MIR2052HG: variants seen among roughly 807,000 people sequenced by gnomAD.
MIR2052HG encodes MIR2052 host gene.
chr8:74,629,456 G>A (rs7001289), intron 2 of MIR2052HG, among the ~76,000 whole-genome samples: 3,679 of 152,140 alleles, frequency 0.024, 135 homozygotes, highest in African/African-American at 0.079. Flanking sequence ...GGGAGTGTTG[G>A]AAGTGGTCTA....
intron 4 of MIR2052HG, among the ~76,000 whole-genome samples, chr8:74,733,426 G>A (rs1285267764): frequency 5.3e-5 from 8 of 151,808 alleles, no homozygotes; most frequent in Non-Finnish European, 1.0e-4. Context: ...ATTTTTTATG[G>A]CTGCATAGTA....
At chr8:74,600,723 G>A (rs1186135218) in intron 1 of MIR2052HG, among the ~76,000 whole-genome samples, 3 of 151,842 alleles carry the variant, frequency 2.0e-5, no homozygotes, top group Admixed American at 1.3e-4. Context: ...TTACAAGTGC[G>A]TGCCACCATG....
intron 4 of MIR2052HG, among the ~76,000 whole-genome samples, chr8:74,707,146 C>T (rs1809419164): frequency 6.6e-6 from 1 of 152,026 alleles, no homozygotes; most frequent in Admixed American, 6.6e-5. Context: ...AATTCCCTCC[C>T]ATGTAGATAT....
At chr8:74,676,887 G>C (rs1037834724) in intron 2 of MIR2052HG, among the ~76,000 whole-genome samples, 1 of 151,804 alleles carries the variant, frequency 6.6e-6, no homozygotes, top group African/African-American at 2.4e-5. Context: ...ACAATGTACA[G>C]GTATATCAAA....
At chr8:74,632,827 C>T (rs1454478112) in intron 2 of MIR2052HG, among the ~76,000 whole-genome samples, 1 of 151,994 alleles carries the variant, frequency 6.6e-6, no homozygotes, top group Non-Finnish European at 1.5e-5. Context: ...ATAATCAGCT[C>T]GTGTTGATCG....
chr8:74,622,879 T>C (rs1319889354), intron 2 of MIR2052HG, among the ~76,000 whole-genome samples: 1 of 151,570 alleles, frequency 6.6e-6, no homozygotes, highest in Admixed American at 6.6e-5. Flanking sequence ...ACAATATGGA[T>C]GAACCTGGAG....
At chr8:74,665,487 C>T (rs1038444736) in intron 2 of MIR2052HG, among the ~76,000 whole-genome samples, 2 of 152,136 alleles carry the variant, frequency 1.3e-5, no homozygotes, top group African/African-American at 2.4e-5. Context: ...ATGACCTCCC[C>T]AAAATGCTGC....
intron 2 of MIR2052HG, among the ~76,000 whole-genome samples, chr8:74,676,143 A>T (rs1342515294): frequency 6.6e-6 from 1 of 152,088 alleles, no homozygotes; most frequent in Non-Finnish European, 1.5e-5. Flanking sequence ...ATGTTTTTTC[A>T]AAAGAACTAA....
chr8:74,643,433 G>T (rs1346886434), intron 2 of MIR2052HG, among the ~76,000 whole-genome samples: 3 of 152,164 alleles, frequency 2.0e-5, no homozygotes, highest in African/African-American at 7.2e-5. Context: ...ATTGGTAAGG[G>T]AAAAGATGAA....
At chr8:74,647,244 G>T (rs972772689) in intron 2 of MIR2052HG, among the ~76,000 whole-genome samples, 4 of 152,294 alleles carry the variant, frequency 2.6e-5, no homozygotes, top group Non-Finnish European at 4.4e-5. Flanking sequence ...CAGAGAGGTT[G>T]CAGGACAAGA....
rs539891774 is a variant in MIR2052HG at position 74,681,092 on chromosome 8, T to C, written n.217-21287T>C. Among the ~76,000 whole-genome samples, 25 of 145,552 alleles carry C rather than the reference T, an allele frequency of 1.7e-4. No individual in the cohort carries two copies. In the East Asian group the frequency reaches 2.2e-3, roughly 13 times the overall value. ...GTGGGGGGAGGGGGGAGGGATAGCA[T>C]TGGGAGATATACCTAATACTAGATG... On this transcript the variant is annotated intron_variant and non_coding_transcript_variant, in intron 2 of 6. Coordinates refer to ENST00000523442, the Ensembl canonical transcript of MIR2052HG.
intron 2 of MIR2052HG, among the ~76,000 whole-genome samples, chr8:74,675,972 T>C (rs1563529352): frequency 6.6e-6 from 1 of 152,038 alleles, no homozygotes; most frequent in Admixed American, 6.6e-5. Context: ...CTAAAGAAGC[T>C]ATGTTTAATA....
chr8:74,696,361 T>C (rs1019355894), intron 2 of MIR2052HG, among the ~76,000 whole-genome samples: 1 of 151,956 alleles, frequency 6.6e-6, no homozygotes, highest in South Asian at 2.1e-4. Flanking sequence ...AATGGCTACA[T>C]GAAAATGTCT....
At chr8:74,701,904 T>A (rs553916144) in intron 2 of MIR2052HG, among the ~76,000 whole-genome samples, 1 of 152,234 alleles carries the variant, frequency 6.6e-6, no homozygotes, top group East Asian at 1.9e-4. Flanking sequence ...GCTTATGGCA[T>A]GCAATGACAA....
intron 4 of MIR2052HG, among the ~76,000 whole-genome samples, chr8:74,710,890 G>A (rs972086351): frequency 6.6e-6 from 1 of 152,062 alleles, no homozygotes; most frequent in African/African-American, 2.4e-5. Flanking sequence ...GAGCATAGCT[G>A]GGTCAAGTTA....
intron 1 of MIR2052HG, among the ~76,000 whole-genome samples, chr8:74,608,535 G>A (rs1808146151): frequency 1.3e-5 from 2 of 152,108 alleles, no homozygotes; most frequent in South Asian, 2.1e-4. Flanking sequence ...TATATTTTAT[G>A]TGTATTTAAT....
At chr8:74,654,817 G>T (rs1808787928) in intron 2 of MIR2052HG, among the ~76,000 whole-genome samples, 1 of 152,118 alleles carries the variant, frequency 6.6e-6, no homozygotes, top group African/African-American at 2.4e-5. Context: ...ACTGGGTAAC[G>T]GGCAGAGGTT....
chr8:74,687,584 G>T (rs1264415101), intron 2 of MIR2052HG, among the ~76,000 whole-genome samples: 2 of 152,106 alleles, frequency 1.3e-5, no homozygotes, highest in African/African-American at 4.8e-5. Flanking sequence ...CAGGCGCAGA[G>T]GGGTGAATAT....
At chr8:74,756,745 T>C (rs1231181359) in intron 5 of MIR2052HG, 2 of 152,152 alleles carry the variant, frequency 1.3e-5, no homozygotes, top group Non-Finnish European at 2.9e-5. Flanking sequence ...TTATAATTGC[T>C]TGTTTGATAT....
Sources: gnomAD v4.1 joint callset for allele counts (sites outside exome capture counted in the v4.1 genomes callset) on GRCh38, gnomAD v4.1.1 for gene constraint, MANE v1.5 for transcripts, NCBI Gene and HGNC (gene_info 2026-07-23, HGNC 2026-07-21) for gene names.